ARMC2: variants seen among roughly 807,000 people sequenced by gnomAD.
The protein encoded by ARMC2 is armadillo repeat-containing protein 2.
In ARMC2, 67 loss-of-function variants were observed where a neutral mutation model predicts 90.3. That is an observed-to-expected ratio of 0.74 (90% CI 0.61 to 0.91). The LOEUF (loss-of-function observed/expected upper bound fraction) is 0.91. Among genes scored for constraint, ARMC2 ranks in the 40% least tolerant of loss-of-function variants. The probability of loss-of-function intolerance (pLI) is 0.00; values close to 1 mark genes in which losing one functional copy is unlikely to be tolerated. For synonymous variants in ARMC2, 393 were observed against 393.0 expected (o/e 1.00, Z 0.00); for missense variants, 920 against 1,030.9 (o/e 0.89, Z 1.47).
chr6:108,958,753 T>C (rs1430021597), intron 13 of ARMC2, among the ~76,000 whole-genome samples: 1 of 152,242 alleles, frequency 6.6e-6, no homozygotes, highest in East Asian at 1.9e-4. Flanking sequence ...AATAAGCACT[T>C]ACTTAGCACC....
intron 12 of ARMC2, among the ~76,000 whole-genome samples, chr6:108,938,526 G>A (rs1776150555): frequency 6.9e-6 from 1 of 145,854 alleles, no homozygotes; most frequent in Admixed American, 6.8e-5. Context: ...ACTCAAAAGA[G>A]ATCTATTTAT....
At chr6:109,015,306 A>G in the ARMC2 span, among the ~76,000 whole-genome samples, 1 of 152,034 alleles carries the variant, frequency 6.6e-6, no homozygotes, top group Non-Finnish European at 1.5e-5. Context: ...TTTTTCTTTG[A>G]TATTTCTGTG....
the ARMC2 span, chr6:109,001,557 C>T: frequency 3.1e-5 from 41 of 1,304,352 alleles, no homozygotes; most frequent in African/African-American, 8.8e-5. Flanking sequence ...AATATACATG[C>T]GCTACACTCT....
intron 10 of ARMC2, among the ~76,000 whole-genome samples, chr6:108,917,782 G>A (rs540883263): frequency 6.6e-6 from 1 of 152,134 alleles, no homozygotes; most frequent in African/African-American, 2.4e-5. Flanking sequence ...AGAGTAGCTG[G>A]GATTACAGGT....
At chr6:108,907,454 CTTTCTT>C (rs1583071413) in intron 8 of ARMC2, among the ~76,000 whole-genome samples, 1 of 106,352 alleles carries the variant, frequency 9.4e-6, no homozygotes, top group East Asian at 3.3e-4. Flanking sequence ...TGTTTTCTTT[CTTTCTT>C]TTTTTTTTTT....
chr6:108,905,250 T>TAA (rs1772561245), intron 8 of ARMC2, among the ~76,000 whole-genome samples: 1 of 152,226 alleles, frequency 6.6e-6, no homozygotes, highest in Non-Finnish European at 1.5e-5. Flanking sequence ...TTAATAAGAA[T>TAA]GCCACCTTTT....
the ARMC2 span, among the ~76,000 whole-genome samples, chr6:108,987,806 CTT>C: frequency 3.5e-4 from 47 of 135,430 alleles, no homozygotes; most frequent in Non-Finnish European, 3.4e-4. Flanking sequence ...CAGCAGCTAT[CTT>C]TTTTTTTTTT....
chr6:108,998,154 C>T, the ARMC2 span, among the ~76,000 whole-genome samples: 1 of 152,204 alleles, frequency 6.6e-6, no homozygotes, highest in Non-Finnish European at 1.5e-5. Flanking sequence ...CACAAAAAGT[C>T]TCCACCACCA....
At chr6:108,928,997 C>A (rs1473242711) in intron 11 of ARMC2, among the ~76,000 whole-genome samples, 4 of 152,112 alleles carry the variant, frequency 2.6e-5, no homozygotes, top group Middle Eastern at 3.4e-3. Context: ...TGAATGTCAA[C>A]TTGTATTATA....
At chr6:108,950,371 C>T (rs573705514) in intron 12 of ARMC2, among the ~76,000 whole-genome samples, 73 of 152,258 alleles carry the variant, frequency 4.8e-4, no homozygotes, top group African/African-American at 1.6e-3. Flanking sequence ...ATGGAATCAA[C>T]GTAAATGTCT....
At chr6:109,051,497 C>T in the ARMC2 span, among the ~76,000 whole-genome samples, 1 of 152,006 alleles carries the variant, frequency 6.6e-6, no homozygotes, top group Non-Finnish European at 1.5e-5. Context: ...AAATAGGGTC[C>T]TCTTATTACC....
chr6:109,031,761 T>C, the ARMC2 span, among the ~76,000 whole-genome samples: 2 of 152,160 alleles, frequency 1.3e-5, no homozygotes, highest in African/African-American at 4.8e-5. Flanking sequence ...TTAGAGGAAG[T>C]ATAAAGAAGT....
chr6:108,963,593 G>T (rs1352206775), intron 15 of ARMC2, among the ~76,000 whole-genome samples: 1 of 152,178 alleles, frequency 6.6e-6, no homozygotes, highest in Admixed American at 6.5e-5. Context: ...CGTCTGCTGA[G>T]GGATGAGAAA....
chr6:108,895,686 G>A (rs1421641990), intron 6 of ARMC2, among the ~76,000 whole-genome samples: 3 of 152,052 alleles, frequency 2.0e-5, no homozygotes, highest in Non-Finnish European at 2.9e-5. Flanking sequence ...TTGTAATATT[G>A]AGTAAATTCA....
At chr6:109,002,289 G>A in the ARMC2 span, 8 of 1,613,078 alleles carry the variant, frequency 5.0e-6, no homozygotes, top group South Asian at 2.2e-5. Context: ...TCCTTTTCTG[G>A]GATGAATCTG....
chr6:108,890,912 C>G, intron 5 of ARMC2, among the ~76,000 whole-genome samples: 1 of 148,676 alleles, frequency 6.7e-6, no homozygotes, highest in East Asian at 2.0e-4. Flanking sequence ...CCTAGCCCCC[C>G]ACCCCCCGAC....
At chr6:109,010,945 T>C in the ARMC2 span, among the ~76,000 whole-genome samples, 3 of 152,152 alleles carry the variant, frequency 2.0e-5, no homozygotes, top group Non-Finnish European at 2.9e-5. Flanking sequence ...AATGAATGAG[T>C]TGGACACATA....
At chr6:108,875,251 A>C (rs1776821888) in intron 4 of ARMC2, among the ~76,000 whole-genome samples, 1 of 152,196 alleles carries the variant, frequency 6.6e-6, no homozygotes, top group Non-Finnish European at 1.5e-5. Flanking sequence ...ATCTTCTTGC[A>C]ACTCTGTCTT....
chr6:108,892,959 C>T (rs561127891), intron 5 of ARMC2, among the ~76,000 whole-genome samples: 1 of 152,264 alleles, frequency 6.6e-6, no homozygotes, highest in East Asian at 1.9e-4. Flanking sequence ...TATAAGCCTT[C>T]TTTGTGAGTT....
Sources: gnomAD v4.1 joint callset for allele counts (sites outside exome capture counted in the v4.1 genomes callset) on GRCh38, gnomAD v4.1.1 for gene constraint, MANE v1.5 for transcripts, NCBI Gene and HGNC (gene_info 2026-07-23, HGNC 2026-07-21) for gene names.